Variants in GTF2I observed in about 807,000 individuals in gnomAD.
The protein encoded by GTF2I is general transcription factor IIi.
Under a neutral mutation model 67.6 loss-of-function variants are expected in GTF2I, and 12 were observed. The observed-to-expected ratio is 0.18, with a 90% CI of 0.11 to 0.29. GTF2I has a LOEUF of 0.29. Ranked by LOEUF, GTF2I falls within the 10% of genes least tolerant of loss-of-function variation. GTF2I has a pLI of 1.00. For synonymous variants in GTF2I, 149 were observed against 197.0 expected (o/e 0.76, Z 2.04); for missense variants, 271 against 580.1 (o/e 0.47, Z 5.47).
At chr7:74,706,254 G>T in intron 7 of GTF2I, 136 bp from the exon 8 acceptor site, 1 of 692,586 alleles carries the variant, frequency 1.4e-6, no homozygotes, top group Non-Finnish European at 2.6e-6. Flanking sequence ...AAATATGTCA[G>T]TTTTAAGCTG....
Position 74,699,060 on chromosome 7 carries a change from GA to G in GTF2I, c.343del (p.Thr115GlnfsTer14). On this transcript the variant is annotated frameshift_variant, in exon 4 of 35. Coordinates refer to ENST00000573035, the MANE Select transcript of GTF2I (RefSeq NM_032999.4). LOFTEE classifies it high-confidence loss of function. ...SVDAVEIETL[R>X]KTVEDYFCFC... ...GATGCTGTAGAAATTGAAACACTCA[GA>G]AAAACAGTTGAGGACTATTTCTGCT... is the stretch of plus-strand genomic sequence containing the variant. The G allele has an allele frequency of 2.0e-6, 3 of 1,529,602 alleles. No homozygotes were observed. The highest frequency in any genetic ancestry group is 2.7e-5 in the South Asian group (2 of 74,550). 94.8% of individuals were successfully genotyped at this position (1,529,602 alleles called of 1,614,324 possible).
chr7:74,674,035 G>A (rs1805686766), intron 1 of GTF2I, among the ~76,000 whole-genome samples: 1 of 148,500 alleles, frequency 6.7e-6, no homozygotes. Context: ...CAGGTAAAAT[G>A]TACAACTAAT....
intron 6 of GTF2I, among the ~76,000 whole-genome samples, chr7:74,704,526 C>A (rs587595412): frequency 6.6e-6 from 1 of 152,158 alleles, no homozygotes; most frequent in Admixed American, 6.5e-5. Flanking sequence ...CCCCTGACCT[C>A]AAGCAATCTA....
intron 12 of GTF2I, among the ~76,000 whole-genome samples, chr7:74,723,423 G>T (rs1264652486): frequency 5.0e-5 from 2 of 40,042 alleles, no homozygotes; most frequent in Non-Finnish European, 9.1e-5. Flanking sequence ...CACCGCTCCC[G>T]GCCTCTTTTT....
chr7:74,717,488 GTTCTTT>G (rs1792403148), intron 11 of GTF2I, among the ~76,000 whole-genome samples: 1 of 152,118 alleles, frequency 6.6e-6, no homozygotes, highest in Non-Finnish European at 1.5e-5. Flanking sequence ...CTGAGGTACA[GTTCTTT>G]TTGTTTAGAA....
intron 1 of GTF2I, among the ~76,000 whole-genome samples, chr7:74,663,474 G>C (rs1392770296): frequency 6.6e-6 from 1 of 152,082 alleles, no homozygotes; most frequent in East Asian, 1.9e-4. Context: ...TTTTCATAGA[G>C]ATGGGGTTTC....
intron 9 of GTF2I, among the ~76,000 whole-genome samples, chr7:74,713,206 C>G (rs1237044150): frequency 6.6e-6 from 1 of 151,990 alleles, no homozygotes; most frequent in African/African-American, 2.4e-5. Flanking sequence ...ATATTGGAAG[C>G]CAAAAACAGT....
chr7:74,713,470 G>A (rs1791880685), intron 9 of GTF2I, among the ~76,000 whole-genome samples: 1 of 152,084 alleles, frequency 6.6e-6, no homozygotes, highest in Admixed American at 6.5e-5. Flanking sequence ...ATATATGTAA[G>A]CTAACTATAG....
intron 9 of GTF2I, among the ~76,000 whole-genome samples, chr7:74,713,821 T>C (rs1289004579): frequency 2.0e-5 from 3 of 152,210 alleles, no homozygotes; most frequent in Admixed American, 1.3e-4. Flanking sequence ...CTGTATATTT[T>C]ACTCAGAGTC....
chr7:74,694,502 G>A (rs940321104), intron 3 of GTF2I, among the ~76,000 whole-genome samples: 8 of 152,194 alleles, frequency 5.3e-5, no homozygotes, highest in South Asian at 2.1e-4. Context: ...TACGAGAATC[G>A]CTTGAGCCCA....
Position 74,688,093 on chromosome 7 carries a change from G to T in GTF2I, c.-5-1031G>T, listed in dbSNP as rs1047263530. Among the ~76,000 whole-genome samples the T allele has an allele frequency of 5.3e-5, 8 of 151,796 alleles. No individual in the cohort carries two copies. The South Asian group carries it at 8.3e-4, about 16-fold the overall frequency. On this transcript the variant is annotated intron_variant, in intron 1 of 34. Coordinates refer to ENST00000573035, the MANE Select transcript of GTF2I (RefSeq NM_032999.4). ...TTGGTAAAATATACATAATTTTTTT[G>T]TGTGTGTGACAGGCTCACTCTGTCA...
intron 1 of GTF2I, among the ~76,000 whole-genome samples, chr7:74,678,997 C>G (rs996223374): frequency 2.6e-5 from 4 of 151,720 alleles, no homozygotes; most frequent in African/African-American, 9.7e-5. Flanking sequence ...GTCTCGAACT[C>G]CTGACCTTGT....
At chr7:74,704,591 C>T (rs1024903796) in intron 6 of GTF2I, among the ~76,000 whole-genome samples, 1 of 152,126 alleles carries the variant, frequency 6.6e-6, no homozygotes, top group African/African-American at 2.4e-5. Flanking sequence ...CCACGCCCAG[C>T]CTAATCTCAG....
intron 1 of GTF2I, among the ~76,000 whole-genome samples, chr7:74,663,313 T>C (rs587618724): frequency 6.6e-6 from 1 of 152,216 alleles, no homozygotes; most frequent in African/African-American, 2.4e-5. Context: ...TGAGATGGAG[T>C]CTCGCTCTGT....
chr7:74,685,413 C>G (rs138745417), intron 1 of GTF2I, among the ~76,000 whole-genome samples: 8,906 of 152,110 alleles, frequency 0.059, 368 homozygotes, highest in Non-Finnish European at 0.087. Flanking sequence ...AGGAGAATCG[C>G]TTGAACCCGG....
intron 14 of GTF2I, among the ~76,000 whole-genome samples, chr7:74,732,267 G>A (rs1359211541): frequency 4.6e-5 from 7 of 151,538 alleles, no homozygotes; most frequent in South Asian, 2.1e-4. Flanking sequence ...CCAGCTACTC[G>A]GGAGGCTGAG....
chr7:74,688,011 G>T (rs1787892740), intron 1 of GTF2I, among the ~76,000 whole-genome samples: 2 of 152,092 alleles, frequency 1.3e-5, no homozygotes, highest in South Asian at 4.2e-4. Context: ...TTAGAAATTT[G>T]CTTTAGATTT....
chr7:74,697,186 A>G (rs956957630), intron 3 of GTF2I, among the ~76,000 whole-genome samples: 1 of 152,062 alleles, frequency 6.6e-6, no homozygotes, highest in Non-Finnish European at 1.5e-5. Flanking sequence ...TCACGAGGTC[A>G]GGAGATCGAG....
intron 12 of GTF2I, among the ~76,000 whole-genome samples, chr7:74,721,018 T>A (rs1792916012): frequency 6.6e-6 from 1 of 152,070 alleles, no homozygotes; most frequent in Non-Finnish European, 1.5e-5. Context: ...AAATCTCTTT[T>A]CTTTTCATTT....
Sources: allele counts gnomAD v4.1 joint callset (sites outside exome capture counted in the v4.1 genomes callset), GRCh38; gene constraint gnomAD v4.1.1; transcripts MANE v1.5; gene names NCBI Gene and HGNC (gene_info 2026-07-23, HGNC 2026-07-21).